C1orf35: variants seen among roughly 807,000 people sequenced by gnomAD.
The protein encoded by C1orf35 is chromosome 1 open reading frame 35.
In C1orf35, 36 loss-of-function variants were observed where a neutral mutation model predicts 30.9. That is an observed-to-expected ratio of 1.16 (90% confidence interval 0.89 to 1.54). The LOEUF (loss-of-function observed/expected upper bound fraction) is 1.54, where lower values mean the gene tolerates loss of function less well. C1orf35 is among the 40% of genes most tolerant of loss of function. The pLI, the probability that C1orf35 is intolerant of heterozygous loss-of-function variation, is 0.00. For synonymous variants in C1orf35, 179 were observed against 148.2 expected, an observed-to-expected ratio of 1.21 and a Z score of -1.51; for missense variants, 396 against 358.7, an observed-to-expected ratio of 1.10 and a Z score of -0.84.
Position 228,103,008 on chromosome 1 carries a change from G to C in C1orf35, c.136C>G (p.Arg46Gly). 2 of 1,572,378 alleles carry C rather than the reference G, an allele frequency of 1.3e-6. No homozygotes were observed. The highest frequency in any genetic ancestry group is 1.7e-6 in the Non-Finnish European group (2 of 1,162,982). Residue 46 changes from arginine to glycine, a missense_variant, in exon 2 of 8, where the codon CGC becomes GGC. Coordinates refer to ENST00000272139, the MANE Select transcript of C1orf35 (RefSeq NM_024319.4). ...MAPVGRWQKGRDLTWYAKGRA... is the reference protein window; with the variant it reads ...MAPVGRWQKGGDLTWYAKGRA... ...CCCTTGGCGTACCAGGTGAGGTCGC[G>C]GCCCTTCTGCCAGCGGCCTACCGGC...
At chr1:228,102,243 G>A (rs1278702826) in intron 5 of C1orf35, 67 bp downstream of exon 5, 123 of 1,575,960 alleles carry the variant, frequency 7.8e-5, no homozygotes, top group Non-Finnish European at 1.0e-4. Context: ...GGGGAGCTCC[G>A]TTCAGTGCCC....
rs754071074 is a variant in C1orf35, at chr1:228,102,124, G to A, written c.489C>T (p.Ala163=). The A allele has an allele frequency of 5.7e-6, 9 of 1,575,812 alleles. No individual in the cohort carries two copies. The highest frequency in any genetic ancestry group is 4.6e-5 in the East Asian group (2 of 43,554). Residue 163 remains alanine (A), a synonymous_variant, in exon 6 of 8, where the codon GCC becomes GCT. Transcript: ENST00000272139. ...CCGCCCGCGGCTTCCTCCTGGCCGA[G>A]GCTGCCGAGGTCCCGGGCCCGCCGC... is the stretch of plus-strand genomic sequence containing the variant. ...VESGGPGTSA[A]SARRKPRAED...
chr1:228,102,097 C>A lies in C1orf35; in HGVS notation c.516G>T (p.Glu172Asp). 1 of 1,581,964 alleles carries A rather than the reference C, an allele frequency of 6.3e-7. No individual in the cohort carries two copies. The highest frequency in any genetic ancestry group is 8.5e-7 in the Non-Finnish European group (1 of 1,172,024). The change falls in exon 6 of 8, where the codon GAG becomes GAT. Residue 172 changes from glutamate to aspartate, a missense_variant. Transcript: ENST00000272139. ...AGCCTCACCTGCTTTCCGTCTGATC[C>A]TCCGCCCGCGGCTTCCTCCTGGCCG... ...AASARRKPRA[E>D]DQTESSCESH...
chr1:228,101,877 C>T lies in C1orf35; in HGVS notation c.533+203G>A, dbSNP rs1023311681. 5 of 1,421,944 alleles carry T rather than the reference C, an allele frequency of 3.5e-6. No individual in the cohort carries two copies. The African/African-American group carries it at 4.3e-5, about 12-fold the overall frequency. 88.1% of individuals were successfully genotyped at this position (1,421,944 alleles called of 1,614,324 possible). On this transcript the variant is annotated intron_variant, in intron 6 of 7. Transcript: ENST00000272139. ...GCACAGCGCCCGACCACTGCCAGTA[C>T]TTAGGACCTCTCTTCAAGGGTGACC...
chr1:228,102,370 G>A lies in C1orf35; in HGVS notation c.387C>T (p.Gly129=), dbSNP rs768292808. The change falls in exon 5 of 8, where the codon GGC becomes GGT. Residue 129 remains glycine (G), a synonymous_variant. Transcript: ENST00000272139. ...LGLGSASGSV[G]RVAMSREDKE... ...TGTCCTCTCGGGACATCGCCACGCG[G>A]CCCACGGAGCCACTGCAGGGACATG... 2.0e-5 allele frequency: 32 copies of A among 1,610,528 alleles called. No homozygotes were observed. Among genetic ancestry groups the A allele is most frequent in the Non-Finnish European group, 2.7e-5 (32 of 1,179,532 alleles).
intron 6 of C1orf35, 88 bp from the exon 7 acceptor site, chr1:228,101,561 C>T: frequency 6.4e-7 from 1 of 1,569,942 alleles, no homozygotes. Flanking sequence ...GATGAAGCCA[C>T]CACCCACAAG....
At position 228,101,371 on chromosome 1, in the gene C1orf35, A is replaced by G; in HGVS notation, c.636T>C (p.Ala212=). 1.2e-6 allele frequency: 2 copies of G among 1,614,126 alleles called. No individual in the cohort carries two copies. Among genetic ancestry groups the G allele is most frequent in the Non-Finnish European group, 1.7e-6 (2 of 1,180,028 alleles). The change falls in exon 7 of 8, where the codon GCT becomes GCC. Residue 212 remains alanine, a synonymous_variant. Coordinates refer to ENST00000272139, the MANE Select transcript of C1orf35 (RefSeq NM_024319.4). ...KKKDKEHRRP[A]EATSSPTSPE... is the part of the protein sequence containing the mutation. ...GAGATGTGGGAGAGGAGGTGGCCTC[A>G]GCTGGCCGCCTGTGCTCTTTGTCTT...
rs1247312407 is a variant in C1orf35, at chr1:228,102,302, G to C, written c.447+8C>G. The C allele has an allele frequency of 1.9e-6, 3 of 1,610,690 alleles. No homozygotes were observed. Among genetic ancestry groups the C allele is most frequent in the South Asian group, 1.1e-5 (1 of 91,010 alleles). On this transcript the variant is annotated splice_region_variant and intron_variant, in intron 5 of 7. Coordinates refer to ENST00000272139, the MANE Select transcript of C1orf35 (RefSeq NM_024319.4). The stretch of plus-strand genomic sequence containing the variant: ...CCCCTGCTGCGGTCAGGCGGGGCGG[G>C]GGATTACCGTGAACACAGACAGCCC...
chr1:228,101,954 G>A, intron 6 of C1orf35, 126 bp downstream of exon 6: 2 of 1,429,554 alleles, frequency 1.4e-6, no homozygotes, highest in Non-Finnish European at 1.8e-6. Flanking sequence ...AGGAAGTAAA[G>A]TAGGGCAGGC....
chr1:228,101,900 A>C (rs2032974829), intron 6 of C1orf35, 180 bp downstream of exon 6: 1 of 1,419,976 alleles, frequency 7.0e-7, no homozygotes, highest in Non-Finnish European at 9.2e-7. Flanking sequence ...TTCAAGGGTG[A>C]CCCGAGAAAC....
intron 6 of C1orf35, chr1:228,101,846 C>A: frequency 7.1e-7 from 1 of 1,415,874 alleles, no homozygotes; most frequent in Non-Finnish European, 9.2e-7. Context: ...TGAGTGCCCT[C>A]CCACGGCACA....
In C1orf35 at chr1:228,101,034, G is replaced by A. The variant is rs975819601; in HGVS notation, c.*97C>T. 5 of 1,550,684 alleles carry A rather than the reference G, an allele frequency of 3.2e-6. No individual in the cohort carries two copies. The highest frequency in any genetic ancestry group is 1.4e-5 in the African/African-American group (1 of 73,914). ...GAGCCACTTCCACAGGAGCAGCCTC[G>A]GGCTTCACCCACACCCAAGGAGCTT... On this transcript the variant is annotated 3_prime_UTR_variant, in exon 8 of 8. Transcript: ENST00000272139.
rs1382895263 is a variant in C1orf35 at position 228,103,293 on chromosome 1, C to T, written c.-66G>A. ...CCTGCAACCCGCAACCCGAGACCCG[C>T]TACCCACTACCGTCGGACCCAGGCC... On this transcript the variant is annotated 5_prime_UTR_variant, in exon 1 of 8. Coordinates refer to ENST00000272139, the MANE Select transcript of C1orf35 (RefSeq NM_024319.4). The T allele has an allele frequency of 1.9e-6, 3 of 1,558,962 alleles. No homozygotes were observed. Among genetic ancestry groups the T allele is most frequent in the Non-Finnish European group, 2.6e-6 (3 of 1,151,496 alleles).
chr1:228,102,426 T>A (rs530647448), intron 4 of C1orf35, 44 bp from the exon 5 acceptor site: 2 of 1,587,510 alleles, frequency 1.3e-6, no homozygotes, highest in Non-Finnish European at 8.5e-7. Context: ...GGGGTCCGCC[T>A]CACCCGAGCA....
At chr1:228,102,620 C>A in intron 3 of C1orf35, 23 bp downstream of exon 3, 3 of 1,593,366 alleles carry the variant, frequency 1.9e-6, no homozygotes, top group Non-Finnish European at 2.6e-6. Flanking sequence ...GCCCTCCACG[C>A]GCCCCCCACC....
At chr1:228,101,554 G>A in intron 6 of C1orf35, 81 bp from the exon 7 acceptor site, 1 of 1,576,756 alleles carries the variant, frequency 6.3e-7, no homozygotes, top group Non-Finnish European at 8.6e-7. Context: ...CCATCCAGAT[G>A]AAGCCACCAC....
Position 228,101,176 on chromosome 1 carries a change from C to G in C1orf35, c.747G>C (p.Arg249Ser). 1 of 1,614,142 alleles carries G rather than the reference C, an allele frequency of 6.2e-7. No individual in the cohort carries two copies. Among genetic ancestry groups the G allele is most frequent in the Non-Finnish European group, 8.5e-7 (1 of 1,180,038 alleles). ...KRRKRGHSGD[R>S]RSPSRRWHDR... ...CATGCCACCTGCGAGACGGGCTCCT[C>G]CTGTCCCCACTGTGTCCCCGCTTCC... Residue 249 changes from arginine to serine, a missense_variant, in exon 8 of 8, where the codon AGG becomes AGC. Transcript: ENST00000272139.
chr1:228,101,798 G>A lies in C1orf35; in HGVS notation c.533+282C>T, dbSNP rs1005025920. On this transcript the variant is annotated intron_variant, in intron 6 of 7. Coordinates refer to ENST00000272139, the MANE Select transcript of C1orf35 (RefSeq NM_024319.4). The stretch of plus-strand genomic sequence containing the variant: ...TCACCATCCAGGAGAAGCCCTGGAG[G>A]TGCCACCCACGGCAGGAAAAGGCCC... 2.1e-6 allele frequency: 3 copies of A among 1,412,140 alleles called. No individual in the cohort carries two copies. In the South Asian group the frequency reaches 4.7e-5, roughly 22 times the overall value. 87.5% of individuals were successfully genotyped at this position (1,412,140 alleles called of 1,614,324 possible).
intron 6 of C1orf35, 112 bp downstream of exon 6, chr1:228,101,968 C>T (rs2032977090): frequency 2.8e-6 from 4 of 1,428,870 alleles, no homozygotes; most frequent in Non-Finnish European, 3.6e-6. Flanking sequence ...GGCAGGCCAC[C>T]CGCCGGGCCG....
Sources: gnomAD v4.1 joint callset for allele counts on GRCh38, gnomAD v4.1.1 for gene constraint, MANE v1.5 for transcripts, NCBI Gene and HGNC (gene_info 2026-07-23, HGNC 2026-07-21) for gene names.